The following SCNN1A variants were observed in gnomAD, a reference collection of about 807,000 sequenced individuals.
SCNN1A encodes sodium channel epithelial 1 subunit alpha, also known as epithelial sodium channel subunit alpha.
Under a neutral mutation model 68.6 loss-of-function variants are expected in SCNN1A, and 65 were observed. The observed-to-expected ratio is 0.95, with a 90% CI of 0.78 to 1.16. SCNN1A has a LOEUF of 1.16. Ranked by LOEUF, SCNN1A falls within the 50% of genes most tolerant of loss-of-function variation. SCNN1A has a pLI of 0.00. For synonymous variants in SCNN1A, 357 were observed against 353.3 expected (o/e 1.01, Z -0.12); for missense variants, 880 against 865.9 (o/e 1.02, Z -0.20).
At position 6,374,764 on chromosome 12, in the gene SCNN1A, T is replaced by A. The variant is rs1264181481; in HGVS notation, c.20A>T (p.Glu7Val). 1 of 1,613,742 alleles carries A rather than the reference T, an allele frequency of 6.2e-7. No individual in the cohort carries two copies. The highest frequency in any genetic ancestry group is 8.5e-7 in the Non-Finnish European group (1 of 1,179,940). MEGNKLEEQDSSPPQST... is the reference protein window; with the variant it reads MEGNKLVEQDSSPPQST... Reference sequence around the variant, plus strand: ...CTGTGGAGGGCTAGAGTCCTGCTCCTCCAGCTTGTTCCCCTCCATGAGACC... The same window carrying A: ...CTGTGGAGGGCTAGAGTCCTGCTCCACCAGCTTGTTCCCCTCCATGAGACC... The change falls in exon 2 of 13, where the codon GAG (glutamate) becomes GTG (valine). Residue 7 changes from glutamate (E) to valine (V), a missense_variant. Around this residue, in one of 3 missense-constraint regions of SCNN1A, gnomAD observed 77 missense variants for 67.4 expected, o/e 1.14. Transcript: ENST00000228916. The surrounding 1 kb of genome is among the most constrained non-coding windows in gnomAD (Gnocchi z 6.2).
intron 2 of SCNN1A, among the ~76,000 whole-genome samples, chr12:6,371,460 A>G (rs1187258343): frequency 1.3e-5 from 2 of 150,646 alleles, no homozygotes; most frequent in East Asian, 3.9e-4. Context: ...TTTGAAATCA[A>G]ACACACTAGG....
At chr12:6,355,074 A>T (rs1242423365) in intron 6 of SCNN1A, among the ~76,000 whole-genome samples, 198 bp downstream of exon 6, 2 of 151,964 alleles carry the variant, frequency 1.3e-5, no homozygotes, top group Non-Finnish European at 2.9e-5. Flanking sequence ...ATGCCTTCTC[A>T]GCACTTGTCC....
In SCNN1A at chr12:6,348,956, T is replaced by G; in HGVS notation, c.1547A>C (p.Asn516Thr). The change falls in exon 11 of 13, where the codon AAC becomes ACC. Residue 516 changes from asparagine (N) to threonine (T), a missense_variant. Around this residue, in one of 3 missense-constraint regions of SCNN1A, gnomAD observed 758 missense variants for 721.8 expected, o/e 1.05. Transcript: ENST00000228916. ...GGACCAGGGCAGGACTGACCTCTTG[T>G]TGTTGACGGTGTAATTGTTCTGTCG... ...LSRQNNYTVN[N>T]KRNGVAKVNI... 6.2e-7 allele frequency: 1 copy of G among 1,614,106 alleles called. No homozygotes were observed. Among genetic ancestry groups the G allele is most frequent in the Admixed American group, 1.7e-5 (1 of 60,018 alleles).
chr12:6,373,927 C>T (rs1361695796), intron 2 of SCNN1A, among the ~76,000 whole-genome samples: 7 of 152,194 alleles, frequency 4.6e-5, no homozygotes, highest in African/African-American at 9.7e-5. Flanking sequence ...AGCACCTGCA[C>T]GGTCTCGCCT....
chr12:6,359,290 G>A (rs1233770593), intron 4 of SCNN1A, among the ~76,000 whole-genome samples: 2 of 152,272 alleles, frequency 1.3e-5, no homozygotes, highest in Non-Finnish European at 2.9e-5. Context: ...AGATTATAGG[G>A]TGGGGGAAAA....
At chr12:6,355,179 C>G in intron 6 of SCNN1A, 93 bp downstream of exon 6, 1 of 1,414,178 alleles carries the variant, frequency 7.1e-7, no homozygotes, top group Admixed American at 1.9e-5. Context: ...AAGGCCCACC[C>G]CACATGCTCT....
chr12:6,365,104 C>G (rs1948654513), intron 2 of SCNN1A, among the ~76,000 whole-genome samples: 1 of 150,952 alleles, frequency 6.6e-6, no homozygotes, highest in South Asian at 2.1e-4. Context: ...CTCACTGCAG[C>G]CTCCTCCTGG....
intron 10 of SCNN1A, 74 bp from the exon 11 acceptor site, chr12:6,349,079 C>T (rs1174063801): frequency 6.2e-7 from 1 of 1,601,152 alleles, no homozygotes; most frequent in African/African-American, 1.3e-5. Flanking sequence ...TTGTGTCAAA[C>T]ACACTCATAC....
At chr12:6,359,615 GC>G (rs1948550247) in intron 4 of SCNN1A, among the ~76,000 whole-genome samples, 1 of 151,884 alleles carries the variant, frequency 6.6e-6, no homozygotes, top group African/African-American at 2.4e-5. Flanking sequence ...TCTCTCTCTT[GC>G]CCCCTCTCCT....
Position 6,374,970 on chromosome 12 carries a change from T to G in SCNN1A, c.-54-133A>C. The G allele has an allele frequency of 6.4e-7, 1 of 1,560,118 alleles. No individual in the cohort carries two copies. The highest frequency in any genetic ancestry group is 8.7e-7 in the Non-Finnish European group (1 of 1,151,862). Reference sequence around the variant, plus strand: ...CCCTGGCCATGCCCATGTCCCACCCTGCGCCCACATTCTCCCACTCCTCCC... The same window carrying G: ...CCCTGGCCATGCCCATGTCCCACCCGGCGCCCACATTCTCCCACTCCTCCC... On this transcript the variant is annotated intron_variant, in intron 1 of 12. Coordinates refer to ENST00000228916, the MANE Select transcript of SCNN1A (RefSeq NM_001038.6). This position sits in a 1 kb window ranked among gnomAD's most constrained non-coding sequence, Gnocchi z 6.2.
rs556351216 is a variant in SCNN1A, at chr12:6,374,366, A to G, written c.416+2T>C. On this transcript the variant is annotated splice_donor_variant, in intron 2 of 12. Transcript: ENST00000228916. LOFTEE classifies it high-confidence loss of function. The surrounding 1 kb of genome is among the most constrained non-coding windows in gnomAD (Gnocchi z 6.2). The stretch of plus-strand genomic sequence containing the variant: ...AGGGAAGGGGCAGAGGGACTAACCG[A>G]CCTGTAGGGATTGAGGGTGCAGATG... The G allele has an allele frequency of 6.2e-7, 1 of 1,614,032 alleles. No homozygotes were observed. Among genetic ancestry groups the G allele is most frequent in the Admixed American group, 1.7e-5 (1 of 60,016 alleles).
chr12:6,348,272 A>G lies in SCNN1A; in HGVS notation c.1630-19T>C. On this transcript the variant is annotated intron_variant, in intron 12 of 12. Transcript: ENST00000228916. Reference sequence around the variant, plus strand: ...TGACCATCTGTGAGAGGAGAGGTACATTGACGATGGGACAGAGGGTTCTGG... The same window carrying G: ...TGACCATCTGTGAGAGGAGAGGTACGTTGACGATGGGACAGAGGGTTCTGG... The G allele has an allele frequency of 6.2e-7, 1 of 1,613,802 alleles. No individual in the cohort carries two copies. The highest frequency in any genetic ancestry group is 8.5e-7 in the Non-Finnish European group (1 of 1,179,952).
chr12:6,354,256 G>A, intron 8 of SCNN1A, 182 bp downstream of exon 8: 1 of 646,402 alleles, frequency 1.5e-6, no homozygotes, highest in South Asian at 1.8e-5. Flanking sequence ...AAGAGAGAGA[G>A]ACTGAGGGAG....
In SCNN1A at chr12:6,375,541, G is replaced by A. The variant is rs112539501; in HGVS notation, c.-91C>T. The A allele has an allele frequency of 7.2e-6, 11 of 1,534,710 alleles. No individual in the cohort carries two copies. The highest frequency in any genetic ancestry group is 3.6e-5 in the South Asian group (3 of 84,024). ...AGCGGCCTGGCTGGGGAGCCCGCCC[G>A]CTGGCCGGCCAGGGATGGAAGCGAC... On this transcript the variant is annotated 5_prime_UTR_variant, in exon 1 of 13. Transcript: ENST00000228916.
intron 2 of SCNN1A, among the ~76,000 whole-genome samples, chr12:6,370,639 G>A (rs1474222908): frequency 6.6e-6 from 1 of 152,188 alleles, no homozygotes; most frequent in Non-Finnish European, 1.5e-5. Flanking sequence ...TTTCCTGCCA[G>A]CCCTGCTGAG....
chr12:6,373,619 C>T (rs1460248680), intron 2 of SCNN1A, among the ~76,000 whole-genome samples: 1 of 152,176 alleles, frequency 6.6e-6, no homozygotes, highest in Non-Finnish European at 1.5e-5. Context: ...CCACCTGCTC[C>T]GGTTTCCAGA....
chr12:6,356,136 A>G (rs963664645), intron 4 of SCNN1A: 3 of 536,102 alleles, frequency 5.6e-6, no homozygotes, highest in Non-Finnish European at 6.7e-6. Context: ...AGGCTCAGAG[A>G]GCTCAAACAG....
intron 4 of SCNN1A, among the ~76,000 whole-genome samples, chr12:6,359,525 C>T (rs1277881127): frequency 1.3e-5 from 2 of 152,098 alleles, no homozygotes; most frequent in Non-Finnish European, 2.9e-5. Context: ...TGGCTTGGTG[C>T]CCTCCTCACA....
In SCNN1A at chr12:6,374,921, C is replaced by T. The variant is rs759493536; in HGVS notation, c.-54-84G>A. On this transcript the variant is annotated intron_variant, in intron 1 of 12. Coordinates refer to ENST00000228916, the MANE Select transcript of SCNN1A (RefSeq NM_001038.6). The surrounding 1 kb of genome is among the most constrained non-coding windows in gnomAD (Gnocchi z 6.2). ...GGGCCCTGAGTGCCCTCTCCCATCACCCCTGGAACCCGAGTGAGGCTGCCC... is the reference window on the plus strand; with the variant it reads ...GGGCCCTGAGTGCCCTCTCCCATCATCCCTGGAACCCGAGTGAGGCTGCCC... 2 of 1,603,168 alleles carry T rather than the reference C, an allele frequency of 1.2e-6. No individual in the cohort carries two copies. The highest frequency in any genetic ancestry group is 1.1e-5 in the South Asian group (1 of 89,970).
Sources: gnomAD v4.1 joint callset for allele counts (sites outside exome capture counted in the v4.1 genomes callset) on GRCh38, gnomAD v4.1.1 for gene constraint, gnomAD v4.1.1 regional missense constraint, Gnocchi (gnomAD v3.1) non-coding constraint, MANE v1.5 for transcripts, NCBI Gene and HGNC (gene_info 2026-07-23, HGNC 2026-07-21) for gene names.